The following CSMD3 variants were observed in gnomAD, a reference collection of about 807,000 sequenced individuals.
CSMD3 encodes CUB and Sushi multiple domains 3, also known as CUB and sushi domain-containing protein 3.
CSMD3 carries 177 observed loss-of-function variants against 435.2 expected under a neutral mutation model. The observed-to-expected ratio is 0.41, with a 90% CI of 0.36 to 0.46. CSMD3 has a LOEUF of 0.46. Among genes scored for constraint, CSMD3 ranks in the 20% least tolerant of loss-of-function variants. CSMD3 has a pLI of 0.34. For synonymous variants in CSMD3, 1,656 were observed against 1,520.5 expected (o/e 1.09, Z -2.07); for missense variants, 4,265 against 4,504.6 (o/e 0.95, Z 1.52).
chr8:112,808,497 T>C (rs181364036), intron 12 of CSMD3, among the ~76,000 whole-genome samples: 4 of 152,122 alleles, frequency 2.6e-5, no homozygotes, highest in East Asian at 1.9e-4. Flanking sequence ...TCCCAGCCCA[T>C]CAAAGAATGT....
At chr8:113,291,804 CA>C (rs1269181719) in intron 2 of CSMD3, among the ~76,000 whole-genome samples, 19 of 151,792 alleles carry the variant, frequency 1.3e-4, no homozygotes, top group African/African-American at 4.6e-4. Context: ...GTGTATTCTA[CA>C]CAAAAAAACT....
intron 32 of CSMD3, among the ~76,000 whole-genome samples, chr8:112,463,153 G>A (rs192804766): frequency 6.6e-6 from 1 of 152,278 alleles, no homozygotes; most frequent in Admixed American, 6.5e-5. Flanking sequence ...CACAAGGTCA[G>A]GAGTTCAAGA....
intron 3 of CSMD3, among the ~76,000 whole-genome samples, chr8:113,233,658 T>C (rs906161843): frequency 6.6e-5 from 10 of 151,834 alleles, no homozygotes; most frequent in Non-Finnish European, 1.3e-4. Context: ...TCCTCAATCA[T>C]AAGCTGTTTA....
At chr8:112,471,764 T>G (rs1297658641) in intron 32 of CSMD3, among the ~76,000 whole-genome samples, 2 of 152,176 alleles carry the variant, frequency 1.3e-5, no homozygotes, top group Non-Finnish European at 2.9e-5. Flanking sequence ...ATATACTGAG[T>G]CATCCAGGCC....
chr8:112,627,619 A>G (rs529466895), intron 22 of CSMD3, among the ~76,000 whole-genome samples: 142 of 152,364 alleles, frequency 9.3e-4, no homozygotes, highest in Non-Finnish European at 1.7e-3. Flanking sequence ...GCATAAGGAC[A>G]TATATGGAGA....
intron 22 of CSMD3, among the ~76,000 whole-genome samples, chr8:112,601,202 C>A (rs1256240192): frequency 6.6e-6 from 1 of 151,914 alleles, no homozygotes; most frequent in African/African-American, 2.4e-5. Flanking sequence ...TATATGCACA[C>A]CTTATCTGAA....
chr8:112,319,617 C>A (rs1822800358), intron 46 of CSMD3, among the ~76,000 whole-genome samples: 1 of 152,098 alleles, frequency 6.6e-6, no homozygotes, highest in African/African-American at 2.4e-5. Flanking sequence ...CAGAAGGCAG[C>A]AAAATAATAG....
At chr8:113,226,273 T>A (rs949695030) in intron 3 of CSMD3, among the ~76,000 whole-genome samples, 1 of 151,562 alleles carries the variant, frequency 6.6e-6, no homozygotes, top group Non-Finnish European at 1.5e-5. Context: ...TGTAAATAAA[T>A]CTTCATATTA....
chr8:112,525,327 TTATA>T (rs1824761378), intron 27 of CSMD3, among the ~76,000 whole-genome samples: 1 of 149,226 alleles, frequency 6.7e-6, no homozygotes, highest in Non-Finnish European at 1.5e-5. Flanking sequence ...AAAATAAATT[TTATA>T]TATAAAATTT....
intron 4 of CSMD3, among the ~76,000 whole-genome samples, chr8:113,100,754 A>G (rs1247490986): frequency 1.3e-5 from 2 of 152,186 alleles, no homozygotes; most frequent in African/African-American, 4.8e-5. Flanking sequence ...TGATAAATAT[A>G]CATTACTTTT....
chr8:112,682,497 T>C lies in CSMD3; in HGVS notation c.2622A>G (p.Thr874=). The C allele has an allele frequency of 1.2e-6, 2 of 1,613,518 alleles. No homozygotes were observed. Among genetic ancestry groups the C allele is most frequent in the Non-Finnish European group, 1.7e-6 (2 of 1,179,822 alleles). The change falls in exon 16 of 71, where the codon ACA becomes ACG. Residue 874 remains threonine (T), a synonymous_variant. Coordinates refer to ENST00000297405, the MANE Select transcript of CSMD3 (RefSeq NM_198123.2). ...FIKTQGTETI[T]CILMDGKVMW... Reference sequence around the variant, plus strand: ...TTACTTTTCCATCCATAAGAATACATGTAATTGTTTCTGTTCCCTGGGTTT... The same window carrying C: ...TTACTTTTCCATCCATAAGAATACACGTAATTGTTTCTGTTCCCTGGGTTT...
At chr8:113,022,940 T>G (rs1194552564) in intron 5 of CSMD3, among the ~76,000 whole-genome samples, 1 of 152,042 alleles carries the variant, frequency 6.6e-6, no homozygotes, top group Non-Finnish European at 1.5e-5. Context: ...AATTTATATT[T>G]AAAATCCTAT....
At chr8:112,565,724 C>T (rs1005705280) in intron 24 of CSMD3, among the ~76,000 whole-genome samples, 3 of 152,134 alleles carry the variant, frequency 2.0e-5, no homozygotes, top group South Asian at 4.1e-4. Flanking sequence ...AGCAGGTCAG[C>T]TTTTGATAAG....
chr8:113,289,663 C>G (rs1030322330), intron 2 of CSMD3, among the ~76,000 whole-genome samples: 1 of 151,554 alleles, frequency 6.6e-6, no homozygotes. Flanking sequence ...AACCCTGCCA[C>G]CTTTTTTTGG....
chr8:112,802,486 T>C (rs539072228), intron 12 of CSMD3, among the ~76,000 whole-genome samples: 6 of 152,230 alleles, frequency 3.9e-5, no homozygotes, highest in Non-Finnish European at 7.4e-5. Flanking sequence ...ATGCAATGGA[T>C]TGTATATTCC....
intron 13 of CSMD3, among the ~76,000 whole-genome samples, chr8:112,783,463 A>T: frequency 9.4e-6 from 1 of 106,162 alleles, no homozygotes; most frequent in African/African-American, 3.6e-5. Context: ...GGAAGGAAGG[A>T]AGGAAGGAAG....
chr8:112,772,384 G>C (rs1247942759), intron 13 of CSMD3, among the ~76,000 whole-genome samples: 1 of 152,108 alleles, frequency 6.6e-6, no homozygotes, highest in Non-Finnish European at 1.5e-5. Flanking sequence ...GGTGTGCTTT[G>C]TTAAACAAAT....
At chr8:112,389,580 A>C (rs1490392754) in intron 36 of CSMD3, among the ~76,000 whole-genome samples, 2 of 152,186 alleles carry the variant, frequency 1.3e-5, no homozygotes, top group African/African-American at 4.8e-5. Flanking sequence ...CCTGTCAAGT[A>C]ATTTTTAAAA....
At chr8:112,832,011 GT>G (rs1170485618) in intron 11 of CSMD3, among the ~76,000 whole-genome samples, 1 of 152,006 alleles carries the variant, frequency 6.6e-6, no homozygotes, top group Non-Finnish European at 1.5e-5. Flanking sequence ...CAGCTTCCTT[GT>G]TAGATTATTT....
Sources: gnomAD v4.1 joint callset for allele counts (sites outside exome capture counted in the v4.1 genomes callset) on GRCh38, gnomAD v4.1.1 for gene constraint, MANE v1.5 for transcripts, NCBI Gene and HGNC (gene_info 2026-07-23, HGNC 2026-07-21) for gene names.